ITFG1: variants seen among roughly 807,000 people sequenced by gnomAD.
The protein encoded by ITFG1 is integrin alpha FG-GAP repeat containing 1.
A neutral mutation model predicts 81.8 loss-of-function variants in ITFG1; 34 were observed. The observed-to-expected ratio is 0.42, with a 90% confidence interval of 0.32 to 0.55. The LOEUF (loss-of-function observed/expected upper bound fraction) is 0.55. Among genes scored for constraint, ITFG1 ranks in the 20% least tolerant of loss-of-function variants. ITFG1 has a pLI of 0.17. For missense variants in ITFG1, 672 were observed against 755.4 expected (o/e 0.89, Z 1.29); for synonymous variants, 285 against 270.6 (o/e 1.05, Z -0.52).
chr16:47,454,514 C>T lies in ITFG1; in HGVS notation c.282-356G>A, dbSNP rs147334290. 8.6e-4 allele frequency among the ~76,000 whole-genome samples: 131 copies of T among 151,770 alleles called. 1 individual carries two copies. Among genetic ancestry groups the T allele is most frequent in the African/African-American group, 3.0e-3 (124 of 41,400 alleles). ...CTAACAAATGGAGGCTCATAATTGC[C>T]AAAGCAGTAAGCATTATCACTGGGA... On this transcript the variant is annotated intron_variant, in intron 2 of 17. Coordinates refer to ENST00000320640, the MANE Select transcript of ITFG1 (RefSeq NM_030790.5).
intron 13 of ITFG1, among the ~76,000 whole-genome samples, chr16:47,236,961 C>T (rs1049005640): frequency 3.3e-5 from 5 of 152,168 alleles, no homozygotes; most frequent in Non-Finnish European, 5.9e-5. Flanking sequence ...ACTTTCCTGG[C>T]GGCCTGTCTG....
At chr16:47,383,773 G>A (rs573367660) in intron 6 of ITFG1, among the ~76,000 whole-genome samples, 5 of 152,156 alleles carry the variant, frequency 3.3e-5, no homozygotes, top group African/African-American at 7.2e-5. Flanking sequence ...GCATGGTGGC[G>A]CATGCCTGTA....
intron 8 of ITFG1, among the ~76,000 whole-genome samples, chr16:47,340,318 A>T (rs529633910): frequency 2.6e-5 from 4 of 152,182 alleles, no homozygotes; most frequent in Non-Finnish European, 5.9e-5. Context: ...TTGCTATATG[A>T]TTTAAAAGAC....
At chr16:47,223,239 T>C (rs1238218934) in intron 13 of ITFG1, among the ~76,000 whole-genome samples, 5 of 151,756 alleles carry the variant, frequency 3.3e-5, no homozygotes, top group African/African-American at 1.2e-4. Context: ...ACAAATGGGA[T>C]CTAATTAAAC....
At chr16:47,209,886 G>T (rs148750926) in intron 14 of ITFG1, among the ~76,000 whole-genome samples, 5 of 152,194 alleles carry the variant, frequency 3.3e-5, no homozygotes, top group African/African-American at 9.6e-5. Context: ...AAAATAGTTT[G>T]TTCCTTTTCA....
chr16:47,260,866 C>A (rs1489718048), intron 10 of ITFG1, among the ~76,000 whole-genome samples, 171 bp from the exon 11 acceptor site: 1 of 152,162 alleles, frequency 6.6e-6, no homozygotes, highest in Non-Finnish European at 1.5e-5. Context: ...TGTTGGCTAT[C>A]CCTTTTCAAC....
intron 16 of ITFG1, among the ~76,000 whole-genome samples, chr16:47,160,488 C>T (rs933571041): frequency 6.6e-6 from 1 of 151,844 alleles, no homozygotes; most frequent in Non-Finnish European, 1.5e-5. Context: ...ATAGAAGTAC[C>T]GTACTTTATA....
At chr16:47,176,326 A>AATAAGAAAATATGAGTAAG (rs1965023563) in intron 14 of ITFG1, among the ~76,000 whole-genome samples, 1 of 152,212 alleles carries the variant, frequency 6.6e-6, no homozygotes, top group Non-Finnish European at 1.5e-5. Flanking sequence ...TACATTTTTA[A>AATAAGAAAATATGAGTAAG]ATAAGAAAAT....
intron 7 of ITFG1, among the ~76,000 whole-genome samples, chr16:47,370,982 G>A (rs1019231560): frequency 2.0e-5 from 3 of 152,202 alleles, no homozygotes; most frequent in Non-Finnish European, 2.9e-5. Context: ...TTCCTAGTTA[G>A]CTGCAATTTT....
At chr16:47,351,693 G>A (rs1166868523) in intron 8 of ITFG1, among the ~76,000 whole-genome samples, 1 of 149,894 alleles carries the variant, frequency 6.7e-6, no homozygotes. Context: ...ACTTTCTTCA[G>A]AGAATTGGAA....
At chr16:47,165,795 G>A (rs1255593179) in intron 14 of ITFG1, among the ~76,000 whole-genome samples, 5 of 152,204 alleles carry the variant, frequency 3.3e-5, no homozygotes, top group Non-Finnish European at 5.9e-5. Context: ...GTAGTGAGCT[G>A]TGATTGTACC....
chr16:47,347,599 G>T (rs1967877042), intron 8 of ITFG1, among the ~76,000 whole-genome samples: 1 of 152,194 alleles, frequency 6.6e-6, no homozygotes, highest in South Asian at 2.1e-4. Context: ...GCCTGCCTCT[G>T]TAGACTCCAC....
At chr16:47,412,815 A>G (rs1012665219) in intron 6 of ITFG1, among the ~76,000 whole-genome samples, 1 of 152,196 alleles carries the variant, frequency 6.6e-6, no homozygotes, top group African/African-American at 2.4e-5. Context: ...CCAGACAAAA[A>G]TAAAGAAAAA....
chr16:47,440,587 C>T (rs1179593941), intron 5 of ITFG1, among the ~76,000 whole-genome samples: 1 of 152,094 alleles, frequency 6.6e-6, no homozygotes, highest in African/African-American at 2.4e-5. Context: ...TGAATGACTA[C>T]TGGGTACATA....
intron 10 of ITFG1, among the ~76,000 whole-genome samples, chr16:47,290,896 CTTGT>C (rs780216356): frequency 2.0e-5 from 3 of 152,154 alleles, no homozygotes; most frequent in Non-Finnish European, 4.4e-5. Flanking sequence ...TTATTCCAAT[CTTGT>C]TTATTAATGT....
rs1015877169 is a variant in ITFG1, at chr16:47,302,336, C to T, written c.1070+8904G>A. On this transcript the variant is annotated intron_variant, in intron 10 of 17. Coordinates refer to ENST00000320640, the MANE Select transcript of ITFG1 (RefSeq NM_030790.5). ...CCCAAATACTTCAGTTAAAAGAAGT[C>T]CTGCTGAGGAAAAGACCTCTTCTTT... Among the ~76,000 whole-genome samples, 6 of 151,378 alleles carry T rather than the reference C, an allele frequency of 4.0e-5. No homozygotes were observed. In the South Asian group the frequency reaches 1.2e-3, roughly 31 times the overall value.
chr16:47,433,991 G>C (rs1186258813), intron 5 of ITFG1, among the ~76,000 whole-genome samples: 4 of 145,330 alleles, frequency 2.8e-5, no homozygotes, highest in African/African-American at 7.6e-5. Flanking sequence ...TTGCTCTTTG[G>C]AACTGGCTAG....
intron 8 of ITFG1, among the ~76,000 whole-genome samples, chr16:47,314,335 TA>T (rs775903595): frequency 4.6e-5 from 7 of 152,174 alleles, no homozygotes; most frequent in Non-Finnish European, 8.8e-5. Flanking sequence ...ATATCAACAG[TA>T]GTCCATTATT....
intron 14 of ITFG1, among the ~76,000 whole-genome samples, chr16:47,179,134 G>A (rs1358255826): frequency 6.6e-6 from 1 of 152,322 alleles, no homozygotes. Context: ...TGGTGGGACT[G>A]TAAACTAGTT....
Sources: gnomAD v4.1 joint callset for allele counts (sites outside exome capture counted in the v4.1 genomes callset) on GRCh38, gnomAD v4.1.1 for gene constraint, MANE v1.5 for transcripts, NCBI Gene and HGNC (gene_info 2026-07-23, HGNC 2026-07-21) for gene names.